The following MYT1L variants were observed in gnomAD, a reference collection of about 807,000 sequenced individuals.
MYT1L encodes myelin transcription factor 1 like, also known as myelin transcription factor 1-like protein.
MYT1L carries 12 observed loss-of-function variants against 126.7 expected under a neutral mutation model. The ratio of observed to expected loss-of-function variants is 0.09; its 90% CI spans 0.06 to 0.15. The LOEUF (loss-of-function observed/expected upper bound fraction) is 0.15. Among genes scored for constraint, MYT1L ranks in the 10% least tolerant of loss-of-function variants. MYT1L has a pLI of 1.00. For synonymous variants in MYT1L, 541 were observed against 604.2 expected (o/e 0.90, Z 1.53); for missense variants, 979 against 1,585.2 (o/e 0.62, Z 6.49).
chr2:1,986,686 T>C (rs1237016342), intron 5 of MYT1L, among the ~76,000 whole-genome samples: 1 of 152,058 alleles, frequency 6.6e-6, no homozygotes, highest in Non-Finnish European at 1.5e-5. Flanking sequence ...AGCCCCAAAA[T>C]ACCCACAAGA....
intron 3 of MYT1L, among the ~76,000 whole-genome samples, chr2:2,086,854 A>C (rs1575076557): frequency 6.6e-6 from 1 of 152,124 alleles, no homozygotes; most frequent in South Asian, 2.1e-4. Flanking sequence ...GGTGTCCCAC[A>C]CCTGCGCCAC....
intron 3 of MYT1L, among the ~76,000 whole-genome samples, chr2:2,150,140 A>G (rs1027124554): frequency 2.0e-5 from 3 of 152,064 alleles, no homozygotes; most frequent in Non-Finnish European, 4.4e-5. Flanking sequence ...CTTTGAATGG[A>G]GGGAGAGGAA....
chr2:1,948,283 C>T (rs562756423), intron 8 of MYT1L, among the ~76,000 whole-genome samples: 5 of 152,200 alleles, frequency 3.3e-5, no homozygotes, highest in Admixed American at 6.5e-5. Context: ...TCATTGCTCA[C>T]GATTTGCTCT....
At chr2:2,312,835 G>A (rs1417881890) in intron 1 of MYT1L, among the ~76,000 whole-genome samples, 2 of 151,988 alleles carry the variant, frequency 1.3e-5, no homozygotes, top group Non-Finnish European at 2.9e-5. Context: ...TGTAAGCTGG[G>A]GTGTGGAGAA....
intron 23 of MYT1L, 144 bp from the exon 24 acceptor site, chr2:1,792,608 G>T: frequency 1.1e-6 from 1 of 883,968 alleles, no homozygotes; most frequent in Non-Finnish European, 1.6e-6. Flanking sequence ...CGTGGCTCAC[G>T]CCTGGAATCC....
At chr2:1,851,540 T>C in intron 19 of MYT1L, 101 bp downstream of exon 19, 2 of 1,100,510 alleles carry the variant, frequency 1.8e-6, no homozygotes, top group Non-Finnish European at 2.8e-6. Flanking sequence ...ATTTTGCCCA[T>C]GGTGTCAAAC....
At chr2:2,101,985 C>T (rs61495939) in intron 3 of MYT1L, among the ~76,000 whole-genome samples, 10,022 of 152,234 alleles carry the variant, frequency 0.066, 397 homozygotes, top group African/African-American at 0.1. Flanking sequence ...TTCTGATTGC[C>T]GAACAAATTA....
chr2:2,224,846 A>G lies in MYT1L; in HGVS notation c.-420-51858T>C, dbSNP rs114629892. Among the ~76,000 whole-genome samples the G allele has an allele frequency of 0.011, 1,657 of 151,614 alleles. 31 individuals carry two copies. Among genetic ancestry groups the G allele is most frequent in the African/African-American group, 0.038 (1,590 of 41,330 alleles). On this transcript the variant is annotated intron_variant, in intron 2 of 24. Transcript: ENST00000647738. This position sits in a 1 kb window ranked among gnomAD's most constrained non-coding sequence, Gnocchi z 4.0. ...AAGAAAAAAAAAAAAAGGAAAATAA[A>G]TGTTTCAAATCCTTGAGAAAGGTCT... is the stretch of plus-strand genomic sequence containing the variant.
At chr2:1,872,768 C>A (rs2046424160) in intron 18 of MYT1L, among the ~76,000 whole-genome samples, 1 of 152,180 alleles carries the variant, frequency 6.6e-6, no homozygotes, top group Non-Finnish European at 1.5e-5. Context: ...CCTGTCTTTT[C>A]TGGGATTTAA....
chr2:2,009,921 T>A (rs1363735286), intron 4 of MYT1L, among the ~76,000 whole-genome samples: 1 of 146,658 alleles, frequency 6.8e-6, no homozygotes, highest in African/African-American at 2.5e-5. Flanking sequence ...TTTTTTTTCA[T>A]GAAAGGGTGT....
At chr2:1,894,961 G>A (rs930633078) in intron 14 of MYT1L, among the ~76,000 whole-genome samples, 1 of 152,230 alleles carries the variant, frequency 6.6e-6, no homozygotes, top group Non-Finnish European at 1.5e-5. Context: ...GCTGCCCAAC[G>A]TCCACAAAGA....
chr2:1,939,485 T>TA (rs1285224978), intron 9 of MYT1L, among the ~76,000 whole-genome samples: 2 of 152,220 alleles, frequency 1.3e-5, no homozygotes, highest in African/African-American at 4.8e-5. Context: ...CTCCCGTACT[T>TA]ACGCTGCACA....
intron 8 of MYT1L, among the ~76,000 whole-genome samples, chr2:1,957,865 TTATTTA>T (rs564768425): frequency 3.0e-4 from 46 of 152,190 alleles, no homozygotes; most frequent in Non-Finnish European, 5.0e-4. Flanking sequence ...CCTCAGTGTG[TTATTTA>T]TTTTTTGTTT....
intron 3 of MYT1L, among the ~76,000 whole-genome samples, chr2:2,110,994 G>A (rs986197869): frequency 4.6e-5 from 7 of 152,172 alleles, no homozygotes; most frequent in African/African-American, 1.7e-4. Context: ...AGCCAGCTAT[G>A]GGGCATGGGC....
At chr2:2,088,644 T>C (rs1004527377) in intron 3 of MYT1L, among the ~76,000 whole-genome samples, 2 of 151,728 alleles carry the variant, frequency 1.3e-5, no homozygotes, top group Non-Finnish European at 2.9e-5. Flanking sequence ...AAAAAAAAGA[T>C]AGCTAGTTCT....
chr2:1,839,088 C>A (rs544836168), intron 21 of MYT1L, 61 bp downstream of exon 21: 1 of 1,443,904 alleles, frequency 6.9e-7, no homozygotes, highest in South Asian at 1.3e-5. Flanking sequence ...CATAACCAGC[C>A]GTGCCAGTCG....
chr2:2,004,229 T>TCTTTCCTGTGTGCCTC, intron 4 of MYT1L, among the ~76,000 whole-genome samples: 1 of 142,186 alleles, frequency 7.0e-6, no homozygotes, highest in South Asian at 2.2e-4. Context: ...CTGCAGGCGT[T>TCTTTCCTGTGTGCCTC]CTTTCCTGCA....
rs1158505034 is a variant in MYT1L at position 2,275,589 on chromosome 2, C to G, written c.-421+8815G>C. On this transcript the variant is annotated intron_variant, in intron 2 of 24. Transcript: ENST00000647738. ...GTGAGCTCAGGCCAGTGTGCTGCAT[C>G]CTGCCCTAAGTTGCCTCTTTAAAAC... 2.0e-5 allele frequency among the ~76,000 whole-genome samples: 3 copies of G among 152,150 alleles called. No individual in the cohort carries two copies. The South Asian group carries it at 6.2e-4, about 31-fold the overall frequency.
At chr2:2,318,114 T>C (rs1339298342) in intron 1 of MYT1L, among the ~76,000 whole-genome samples, 2 of 152,230 alleles carry the variant, frequency 1.3e-5, no homozygotes, top group East Asian at 3.8e-4. Flanking sequence ...CTAAAATACA[T>C]GATTCAATTT....
Sources: allele counts gnomAD v4.1 joint callset (sites outside exome capture counted in the v4.1 genomes callset), GRCh38; gene constraint gnomAD v4.1.1; non-coding constraint Gnocchi (gnomAD v3.1); transcripts MANE v1.5; gene names NCBI Gene and HGNC (gene_info 2026-07-23, HGNC 2026-07-21).